ZNF654: variants seen among roughly 807,000 people sequenced by gnomAD.
The protein encoded by ZNF654 is zinc finger protein 654.
A neutral mutation model predicts 95.3 loss-of-function variants in ZNF654; 19 were observed. The observed-to-expected ratio is 0.20, with a 90% CI of 0.14 to 0.29. The LOEUF is 0.29. ZNF654 is among the 10% of genes least tolerant of loss of function. ZNF654 has a pLI of 1.00. For missense variants in ZNF654, 1,046 were observed against 1,341.0 expected, an observed-to-expected ratio of 0.78 and a Z score of 3.44; for synonymous variants, 413 against 457.9, an observed-to-expected ratio of 0.90 and a Z score of 1.25.
At chr3:88,079,743 T>C (rs1707987240) in intron 1 of ZNF654, among the ~76,000 whole-genome samples, 1 of 152,076 alleles carries the variant, frequency 6.6e-6, no homozygotes, top group Non-Finnish European at 1.5e-5. Flanking sequence ...TTTTCCATTT[T>C]GAAAAGATTC....
intron 1 of ZNF654, among the ~76,000 whole-genome samples, chr3:88,079,135 C>T (rs1707956649): frequency 6.6e-6 from 1 of 151,998 alleles, no homozygotes; most frequent in South Asian, 2.1e-4. Context: ...GCTGACTCAA[C>T]CTAAAGTAAC....
At chr3:88,069,144 AGGCGCCGT>A (rs57383292) in intron 1 of ZNF654, among the ~76,000 whole-genome samples, 118,446 of 151,390 alleles carry the variant, frequency 0.78, 47,251 homozygotes, top group South Asian at 0.91. Context: ...TTCTCAGGCC[AGGCGCCGT>A]GGCTTACACC....
At chr3:88,093,917 C>T (rs1033669947) in intron 2 of ZNF654, among the ~76,000 whole-genome samples, 1 of 152,166 alleles carries the variant, frequency 6.6e-6, no homozygotes, top group African/African-American at 2.4e-5. Context: ...TATTGCCCAT[C>T]TCCACAGCAT....
intron 2 of ZNF654, among the ~76,000 whole-genome samples, chr3:88,102,008 C>T (rs1704454349): frequency 6.6e-6 from 1 of 151,448 alleles, no homozygotes; most frequent in South Asian, 2.1e-4. Context: ...TATTTGTCAT[C>T]TTACTGAGTT....
At chr3:88,120,068 CT>C (rs1705675391) in intron 3 of ZNF654, among the ~76,000 whole-genome samples, 1 of 59,176 alleles carries the variant, frequency 1.7e-5, no homozygotes, top group African/African-American at 4.1e-5. Context: ...CATAATTCTA[CT>C]TATTTAAAAA....
In ZNF654 at chr3:88,138,964, G is replaced by C. The variant is rs1328514488; in HGVS notation, c.1295G>C (p.Arg432Pro). The C allele has an allele frequency of 8.0e-7, 1 of 1,244,816 alleles. No homozygotes were observed. The highest frequency in any genetic ancestry group is 1.0e-6 in the Non-Finnish European group (1 of 996,720). 77.1% of individuals were successfully genotyped at this position (1,244,816 alleles called of 1,614,324 possible). A position where few individuals can be genotyped will look rare whatever the true frequency, so the allele number is the denominator to read the frequency against. Residue 432 changes from arginine to proline, a missense_variant, in exon 8 of 9, where the codon CGT becomes CCT. Transcript: ENST00000636215. ...YNEGTSSVQN[R>P]VRFELLPILK... is the part of the protein sequence containing the mutation. ...GAAGGCACAAGTAGTGTTCAAAATC[G>C]TGTTCGTTTTGAATTGCTTCCAATT...
At chr3:88,084,609 T>C (rs537448580) in intron 1 of ZNF654, among the ~76,000 whole-genome samples, 12 of 152,250 alleles carry the variant, frequency 7.9e-5, no homozygotes, top group Admixed American at 2.0e-4. Context: ...CCCAGAAACA[T>C]TGGAAAGATG....
At chr3:88,128,701 G>A in intron 4 of ZNF654, 108 bp from the exon 5 acceptor site, 1 of 699,218 alleles carries the variant, frequency 1.4e-6, no homozygotes, top group African/African-American at 1.8e-5. Context: ...TGCTATTTAA[G>A]TAGTTAAATC....
At chr3:88,110,684 C>T (rs1705036115) in intron 2 of ZNF654, among the ~76,000 whole-genome samples, 1 of 152,010 alleles carries the variant, frequency 6.6e-6, no homozygotes, top group Non-Finnish European at 1.5e-5. Flanking sequence ...AGTTTTCTTC[C>T]GTAAGGAGAG....
intron 3 of ZNF654, among the ~76,000 whole-genome samples, chr3:88,116,831 TTTC>T (rs1378587063): frequency 1.5e-4 from 23 of 152,128 alleles, no homozygotes. Flanking sequence ...ACATGTAAAC[TTTC>T]TTCTTCTCTC....
intron 1 of ZNF654, among the ~76,000 whole-genome samples, chr3:88,083,800 C>T (rs1708200451): frequency 6.6e-6 from 1 of 151,698 alleles, no homozygotes; most frequent in African/African-American, 2.4e-5. Flanking sequence ...TACTAGAATA[C>T]CAAAAAAGAA....
At chr3:88,082,749 T>C (rs535907479) in intron 1 of ZNF654, among the ~76,000 whole-genome samples, 1 of 152,340 alleles carries the variant, frequency 6.6e-6, no homozygotes, top group African/African-American at 2.4e-5. Context: ...AAGAAACAGA[T>C]ACTCATATTT....
chr3:88,097,716 C>T (rs1053174852), intron 2 of ZNF654, among the ~76,000 whole-genome samples: 4 of 152,102 alleles, frequency 2.6e-5, no homozygotes, highest in Non-Finnish European at 4.4e-5. Context: ...ACTGAACAAC[C>T]GGCTCCTGAA....
chr3:88,133,677 ACT>A (rs1218428218), intron 6 of ZNF654, among the ~76,000 whole-genome samples: 5 of 152,034 alleles, frequency 3.3e-5, no homozygotes, highest in African/African-American at 1.2e-4. Context: ...GAAACTCCTA[ACT>A]CTACAACCCA....
At chr3:88,059,630 G>A (rs1369515722) in intron 1 of ZNF654, 125 bp downstream of exon 1, 5 of 1,357,472 alleles carry the variant, frequency 3.7e-6, no homozygotes, top group Non-Finnish European at 4.8e-6. Flanking sequence ...AGGAGGGTGA[G>A]GCTGAAGCTC....
chr3:88,069,208 G>A (rs1232576699), intron 1 of ZNF654, among the ~76,000 whole-genome samples: 1 of 152,160 alleles, frequency 6.6e-6, no homozygotes, highest in Non-Finnish European at 1.5e-5. Flanking sequence ...GATTACCTGA[G>A]TCCAGGAGCT....
At chr3:88,109,186 G>A (rs1198358377) in intron 2 of ZNF654, among the ~76,000 whole-genome samples, 1 of 103,502 alleles carries the variant, frequency 9.7e-6, no homozygotes, top group African/African-American at 3.1e-5. Flanking sequence ...TGTGTATGAA[G>A]AAAACCGTTA....
chr3:88,082,188 G>A (rs1559697274), intron 1 of ZNF654, among the ~76,000 whole-genome samples: 1 of 150,972 alleles, frequency 6.6e-6, no homozygotes, highest in Non-Finnish European at 1.5e-5. Flanking sequence ...GTGCAGTGGT[G>A]CAATCTTGGC....
intron 2 of ZNF654, among the ~76,000 whole-genome samples, chr3:88,109,070 T>C (rs1050492794): frequency 1.5e-4 from 23 of 151,814 alleles, no homozygotes; most frequent in Admixed American, 1.5e-3. Flanking sequence ...GGTTAGGTGC[T>C]ATCCGTGGTT....
Sources: gnomAD v4.1 joint callset for allele counts (sites outside exome capture counted in the v4.1 genomes callset) on GRCh38, gnomAD v4.1.1 for gene constraint, MANE v1.5 for transcripts, NCBI Gene and HGNC (gene_info 2026-07-23, HGNC 2026-07-21) for gene names.